GP2: variants seen among roughly 807,000 people sequenced by gnomAD.
GP2 encodes glycoprotein 2.
GP2 carries 58 observed loss-of-function variants against 60.8 expected under a neutral mutation model. The observed-to-expected ratio is 0.95, with a 90% CI of 0.77 to 1.19. GP2 has a LOEUF of 1.19. Among genes scored for constraint, GP2 ranks in the 50% most tolerant of loss-of-function variants. GP2 has a pLI of 0.00. For missense variants in GP2, 647 were observed against 667.4 expected (o/e 0.97, Z 0.34); for synonymous variants, 280 against 253.4 (o/e 1.10, Z -1.00).
In GP2 at chr16:20,319,745, G is replaced by A. The variant is rs996016945; in HGVS notation, c.882C>T (p.Tyr294=). ...ILERNQTHAI[Y]KNTLSLVNDF... Reference sequence around the variant, plus strand: ...CATTGACCAAGGAGAGGGTGTTTTTGTAGATGGCATGGGTTTGATTTCTCT... The same window carrying A: ...CATTGACCAAGGAGAGGGTGTTTTTATAGATGGCATGGGTTTGATTTCTCT... The change falls in exon 6 of 11, where the codon TAC becomes TAT. Residue 294 remains tyrosine (Y), a synonymous_variant. Transcript: ENST00000302555. 5.6e-6 allele frequency: 9 copies of A among 1,613,258 alleles called. No individual in the cohort carries two copies. Among genetic ancestry groups the A allele is most frequent in the Non-Finnish European group, 7.6e-6 (9 of 1,179,196 alleles).
At chr16:20,312,520 G>A (rs139891852) in intron 10 of GP2, among the ~76,000 whole-genome samples, 1,564 of 152,204 alleles carry the variant, frequency 0.01, 32 homozygotes, top group African/African-American at 0.036. Flanking sequence ...GTCCAGAAGC[G>A]TCCAAAATCT....
chr16:20,322,125 G>A (rs969937277), intron 4 of GP2, among the ~76,000 whole-genome samples: 1 of 152,210 alleles, frequency 6.6e-6, no homozygotes, highest in African/African-American at 2.4e-5. Context: ...TTTTCCAAAT[G>A]TGTCATGCTC....
At chr16:20,312,716 T>A (rs1394273882) in intron 10 of GP2, among the ~76,000 whole-genome samples, 1 of 151,862 alleles carries the variant, frequency 6.6e-6, no homozygotes, top group Non-Finnish European at 1.5e-5. Context: ...AATGGTGCAA[T>A]CTCAGCTCAC....
intron 3 of GP2, chr16:20,323,319 G>T: frequency 1.4e-6 from 1 of 715,052 alleles, no homozygotes; most frequent in South Asian, 1.5e-5. Flanking sequence ...CCAGCTCTGT[G>T]ATACTAGGAG....
intron 2 of GP2, among the ~76,000 whole-genome samples, chr16:20,325,478 C>T (rs905880182): frequency 2.0e-5 from 3 of 152,190 alleles, no homozygotes; most frequent in Non-Finnish European, 2.9e-5. Flanking sequence ...GTTTGCCAGG[C>T]ACCCCCAGAA....
intron 4 of GP2, among the ~76,000 whole-genome samples, chr16:20,321,772 A>G (rs1271567669): frequency 6.6e-6 from 1 of 152,196 alleles, no homozygotes; most frequent in Non-Finnish European, 1.5e-5. Flanking sequence ...AGTGAAAGTC[A>G]GAGCACAGAG....
rs1409122214 is a variant in GP2 at position 20,324,084 on chromosome 16, C to T, written c.267G>A (p.Met89Ile). ...SAGSQGCDKNMSGWYRFVGEG... is the reference protein window; with the variant it reads ...SAGSQGCDKNISGWYRFVGEG... ...CCCCTACAAAGCGGTACCAGCCGCT[C>T]ATGTTTTTATCGCACCCCTGGGACC... The change falls in exon 3 of 11, where the codon ATG becomes ATA. Residue 89 changes from methionine (M) to isoleucine (I), a missense_variant. Transcript: ENST00000302555. 6.2e-7 allele frequency: 1 copy of T among 1,614,080 alleles called. No individual in the cohort carries two copies. Among genetic ancestry groups the T allele is most frequent in the Admixed American group, 1.7e-5 (1 of 60,026 alleles).
At chr16:20,313,958 C>G (rs567754405) in intron 10 of GP2, among the ~76,000 whole-genome samples, 1 of 152,036 alleles carries the variant, frequency 6.6e-6, no homozygotes, top group South Asian at 2.1e-4. Flanking sequence ...GGTGCTGCCC[C>G]GCTAGCCTTG....
At chr16:20,320,758 A>G (rs1964332239) in intron 4 of GP2, among the ~76,000 whole-genome samples, 1 of 152,222 alleles carries the variant, frequency 6.6e-6, no homozygotes, top group Non-Finnish European at 1.5e-5. Flanking sequence ...ATTCCATACT[A>G]GAATCAAAGT....
chr16:20,314,713 A>C lies in GP2; in HGVS notation c.1502-12T>G. ...GGGAGACTGTGCACCTGTGAACAAG[A>C]ACAGAAGGGGTGGGTTTCCTCAGTC... On this transcript the variant is annotated splice_polypyrimidine_tract_variant and intron_variant, in intron 9 of 10. Coordinates refer to ENST00000302555, the MANE Select transcript of GP2 (RefSeq NM_001502.4). The C allele has an allele frequency of 6.3e-7, 1 of 1,592,354 alleles. No homozygotes were observed. Among genetic ancestry groups the C allele is most frequent in the Non-Finnish European group, 8.6e-7 (1 of 1,160,096 alleles).
chr16:20,326,742 A>T, intron 1 of GP2: 1 of 281,152 alleles, frequency 3.6e-6, no homozygotes, highest in Non-Finnish European at 6.7e-6. Context: ...AGAAAAAGGG[A>T]TATGGTACCT....
At chr16:20,320,835 A>G (rs555039573) in intron 4 of GP2, among the ~76,000 whole-genome samples, 1 of 152,302 alleles carries the variant, frequency 6.6e-6, no homozygotes, top group African/African-American at 2.4e-5. Flanking sequence ...TTTTAACTCA[A>G]CATTTATTCA....
chr16:20,326,531 G>C, intron 1 of GP2, 64 bp from the exon 2 acceptor site: 2 of 1,309,550 alleles, frequency 1.5e-6, no homozygotes, highest in Non-Finnish European at 2.1e-6. Flanking sequence ...AAACAGATCC[G>C]TTGACTTCCT....
At position 20,323,498 on chromosome 16, in the gene GP2, T is replaced by C. The variant is rs531080258; in HGVS notation, c.535+318A>G. On this transcript the variant is annotated intron_variant, in intron 3 of 10. Coordinates refer to ENST00000302555, the MANE Select transcript of GP2 (RefSeq NM_001502.4). ...TATTTTTGCTGTACCCCCCCCCCCT[T>C]TTTTTCAGATCAGAACACTGAGGCT... The C allele has an allele frequency of 1.0e-4, 55 of 527,938 alleles. 1 individual carries two copies. Among genetic ancestry groups the C allele is most frequent in the African/African-American group, 9.0e-4 (48 of 53,176 alleles). 32.7% of individuals were successfully genotyped at this position (527,938 alleles called of 1,614,324 possible).
intron 1 of GP2, 164 bp downstream of exon 1, chr16:20,327,303 T>A: frequency 2.7e-6 from 1 of 367,576 alleles, no homozygotes. Context: ...GAAGCATGAC[T>A]GAGTTGGACA....
chr16:20,315,859 C>G (rs60257337), intron 9 of GP2, 97 bp downstream of exon 9: 78,035 of 771,614 alleles, frequency 0.1, 12,142 homozygotes, highest in East Asian at 0.67. Flanking sequence ...TGAGGTGGTA[C>G]AAGAGCCCTG....
chr16:20,326,532 T>C lies in GP2; in HGVS notation c.-36-65A>G. 8 of 1,300,008 alleles carry C rather than the reference T, an allele frequency of 6.2e-6. 1 individual carries two copies. Among genetic ancestry groups the C allele is most frequent in the Middle Eastern group, 3.8e-4 (2 of 5,308 alleles). The allele number at this position is 1,300,008 out of a possible 1,614,324, so 80.5% of individuals were successfully genotyped here. ...GTCTATGTTCTTAGAAACAGATCCG[T>C]TGACTTCCTTCATAAAGAGCTGCAT... On this transcript the variant is annotated intron_variant, in intron 1 of 10. Coordinates refer to ENST00000302555, the MANE Select transcript of GP2 (RefSeq NM_001502.4).
chr16:20,327,128 G>A (rs62032857), intron 1 of GP2, among the ~76,000 whole-genome samples: 3,582 of 152,220 alleles, frequency 0.024, 79 homozygotes, highest in Admixed American at 0.063. Context: ...GATCGGTTTC[G>A]GGCAGGGATA....
At position 20,323,852 on chromosome 16, in the gene GP2, C is replaced by A; in HGVS notation, c.499G>T (p.Glu167Ter). Reference sequence around the variant, plus strand: ...CTCAGATTACACCAGGGAGTGCCTTCCAACCGGTACACATGGTACCCGCCT... The same window carrying A: ...CTCAGATTACACCAGGGAGTGCCTTACAACCGGTACACATGGTACCCGCCT... ...CPGGYHVYRL[E>*]GTPWCNLRYC... Residue 167 changes from glutamate to a stop codon, truncating the protein, a stop_gained, in exon 3 of 11, where the codon GAA (glutamate) becomes TAA (stop). Coordinates refer to ENST00000302555, the MANE Select transcript of GP2 (RefSeq NM_001502.4). LOFTEE classifies it high-confidence loss of function. The A allele has an allele frequency of 6.2e-7, 1 of 1,613,772 alleles. No homozygotes were observed. Among genetic ancestry groups the A allele is most frequent in the Non-Finnish European group, 8.5e-7 (1 of 1,179,840 alleles).
Sources: allele counts gnomAD v4.1 joint callset (sites outside exome capture counted in the v4.1 genomes callset), GRCh38; gene constraint gnomAD v4.1.1; transcripts MANE v1.5; gene names NCBI Gene and HGNC (gene_info 2026-07-23, HGNC 2026-07-21).